ARHGEF38: variants seen among roughly 807,000 people sequenced by gnomAD.
ARHGEF38 encodes Rho guanine nucleotide exchange factor 38.
A neutral mutation model predicts 79.9 loss-of-function variants in ARHGEF38; 79 were observed. The observed-to-expected ratio is 0.99, with a 90% CI of 0.82 to 1.19. ARHGEF38 has a LOEUF of 1.19. Among genes scored for constraint, ARHGEF38 ranks in the 50% most tolerant of loss-of-function variants. The pLI, the probability that ARHGEF38 is intolerant of heterozygous loss-of-function variation, is 0.00. For synonymous variants in ARHGEF38, 366 were observed against 328.3 expected (o/e 1.11, Z -1.24); for missense variants, 962 against 907.2 (o/e 1.06, Z -0.78).
At chr4:105,572,265 CTG>C (rs1056839865) in intron 1 of ARHGEF38, among the ~76,000 whole-genome samples, 5 of 152,062 alleles carry the variant, frequency 3.3e-5, no homozygotes, top group African/African-American at 9.7e-5. Context: ...GACTATATAA[CTG>C]TTAAAATTTT....
chr4:105,629,821 T>C (rs529248262), intron 3 of ARHGEF38, among the ~76,000 whole-genome samples: 1 of 152,168 alleles, frequency 6.6e-6, no homozygotes, highest in Non-Finnish European at 1.5e-5. Context: ...TTAGTCTAAG[T>C]TGCTTTACGA....
intron 3 of ARHGEF38, among the ~76,000 whole-genome samples, chr4:105,625,502 C>T (rs763129988): frequency 1.3e-5 from 2 of 152,198 alleles, no homozygotes; most frequent in Admixed American, 6.5e-5. Context: ...ATGCAACCTC[C>T]TTCCAGCTCA....
intron 10 of ARHGEF38, among the ~76,000 whole-genome samples, chr4:105,661,384 T>C (rs1398372897): frequency 2.0e-5 from 3 of 151,910 alleles, no homozygotes; most frequent in African/African-American, 7.2e-5. Flanking sequence ...GTTTAACCTT[T>C]TGAAAAACAA....
chr4:105,575,869 A>G (rs1726472676), intron 1 of ARHGEF38, among the ~76,000 whole-genome samples: 1 of 151,968 alleles, frequency 6.6e-6, no homozygotes, highest in Non-Finnish European at 1.5e-5. Context: ...CTACATGTGG[A>G]TATCTAGTTT....
At chr4:105,650,284 G>A (rs1052941568) in intron 7 of ARHGEF38, among the ~76,000 whole-genome samples, 15 of 152,104 alleles carry the variant, frequency 9.9e-5, no homozygotes, top group African/African-American at 3.6e-4. Context: ...CCCTTCTAGG[G>A]CTAGCCAATT....
intron 1 of ARHGEF38, among the ~76,000 whole-genome samples, chr4:105,558,660 C>T (rs1725366544): frequency 6.6e-6 from 1 of 152,082 alleles, no homozygotes; most frequent in Admixed American, 6.6e-5. Context: ...TTTAGAAGGA[C>T]CATTTGTGTC....
intron 2 of ARHGEF38, among the ~76,000 whole-genome samples, chr4:105,609,580 G>A (rs373949204): frequency 7.2e-5 from 11 of 151,900 alleles, no homozygotes; most frequent in Admixed American, 2.0e-4. Flanking sequence ...TTTCAATGAC[G>A]TGTTTCATAG....
chr4:105,604,322 T>C (rs992934212), intron 2 of ARHGEF38, among the ~76,000 whole-genome samples: 1 of 152,174 alleles, frequency 6.6e-6, no homozygotes, highest in Non-Finnish European at 1.5e-5. Context: ...ACAACACAGA[T>C]GGACTTCATG....
intron 13 of ARHGEF38, among the ~76,000 whole-genome samples, chr4:105,670,082 A>T (rs943039810): frequency 6.6e-6 from 1 of 152,288 alleles, no homozygotes; most frequent in Non-Finnish European, 1.5e-5. Context: ...ATTGTGAATT[A>T]TGCTGCTATG....
Position 105,679,400 on chromosome 4 carries a change from A to C in ARHGEF38, c.*1463A>C. On this transcript the variant is annotated 3_prime_UTR_variant, in exon 14 of 14. Transcript: ENST00000420470. ...TGGTAATCTGAGACACTGCATTACTATTCAGCTTTCTAAGTTCTTTCCAAG... is the reference window on the plus strand; with the variant it reads ...TGGTAATCTGAGACACTGCATTACTCTTCAGCTTTCTAAGTTCTTTCCAAG... The C allele has an allele frequency of 6.8e-7, 1 of 1,473,230 alleles. No individual in the cohort carries two copies. Among genetic ancestry groups the C allele is most frequent in the South Asian group, 1.1e-5 (1 of 88,096 alleles). 91.3% of individuals were successfully genotyped at this position (1,473,230 alleles called of 1,614,324 possible).
chr4:105,579,822 G>A (rs1032974319), intron 1 of ARHGEF38, among the ~76,000 whole-genome samples: 13 of 152,038 alleles, frequency 8.6e-5, no homozygotes, highest in African/African-American at 2.2e-4. Flanking sequence ...GCTTTTATTC[G>A]TACATGTGTT....
intron 1 of ARHGEF38, among the ~76,000 whole-genome samples, chr4:105,586,593 A>G (rs1184437183): frequency 6.6e-6 from 1 of 152,208 alleles, no homozygotes; most frequent in East Asian, 1.9e-4. Context: ...ATTTAGAACT[A>G]AAAGGAACCC....
At chr4:105,633,789 AC>A (rs1729290467) in intron 4 of ARHGEF38, among the ~76,000 whole-genome samples, 1 of 152,186 alleles carries the variant, frequency 6.6e-6, no homozygotes, top group Non-Finnish European at 1.5e-5. Flanking sequence ...AGGAACACAA[AC>A]CCTAGTTGAG....
chr4:105,579,778 A>G (rs1350247868), intron 1 of ARHGEF38, among the ~76,000 whole-genome samples: 1 of 152,064 alleles, frequency 6.6e-6, no homozygotes, highest in Non-Finnish European at 1.5e-5. Flanking sequence ...CTCCTCCTCA[A>G]TTTTTTGGAA....
Position 105,666,217 on chromosome 4 carries a change from A to G in ARHGEF38, c.1586A>G (p.Gln529Arg), listed in dbSNP as rs1300510175. The stretch of plus-strand genomic sequence containing the variant: ...TCAAGCATTTCTGAGATTCAGAATC[A>G]AGTACTAGAAGAGATCCAAAATTTG... ...LVSSISEIQN[Q>R]VLEEIQNLNC... Residue 529 changes from glutamine (Q) to arginine (R), a missense_variant, in exon 11 of 14, where the codon CAA becomes CGA. Coordinates refer to ENST00000420470, the MANE Select transcript of ARHGEF38 (RefSeq NM_001242729.2). The G allele has an allele frequency of 1.3e-6, 2 of 1,531,938 alleles. No individual in the cohort carries two copies. Among genetic ancestry groups the G allele is most frequent in the African/African-American group, 1.4e-5 (1 of 72,846 alleles). The allele number at this position is 1,531,938 out of a possible 1,614,324, so 94.9% of individuals were successfully genotyped here.
intron 5 of ARHGEF38, among the ~76,000 whole-genome samples, chr4:105,639,356 C>A (rs1729527842): frequency 6.6e-6 from 1 of 151,802 alleles, no homozygotes; most frequent in Non-Finnish European, 1.5e-5. Flanking sequence ...CTGTTTCAGG[C>A]TGTTTTTAAT....
intron 1 of ARHGEF38, among the ~76,000 whole-genome samples, chr4:105,555,370 C>A (rs558571554): frequency 6.6e-6 from 1 of 152,064 alleles, no homozygotes; most frequent in African/African-American, 2.4e-5. Flanking sequence ...TAGCATGGTT[C>A]GACTAGAACA....
intron 1 of ARHGEF38, among the ~76,000 whole-genome samples, chr4:105,573,323 T>C (rs961007441): frequency 6.6e-6 from 1 of 152,196 alleles, no homozygotes; most frequent in Non-Finnish European, 1.5e-5. Flanking sequence ...CCAAATTCAA[T>C]ATCATGAAAT....
intron 2 of ARHGEF38, among the ~76,000 whole-genome samples, chr4:105,598,685 A>T (rs1370009603): frequency 6.6e-6 from 1 of 151,322 alleles, no homozygotes; most frequent in Non-Finnish European, 1.5e-5. Flanking sequence ...TTTTTTTTTT[A>T]ATCAAAGACT....
Sources: gnomAD v4.1 joint callset for allele counts (sites outside exome capture counted in the v4.1 genomes callset) on GRCh38, gnomAD v4.1.1 for gene constraint, MANE v1.5 for transcripts, NCBI Gene and HGNC (gene_info 2026-07-23, HGNC 2026-07-21) for gene names.